The following EDAR variants were observed in gnomAD, a reference collection of about 807,000 sequenced individuals.
EDAR encodes ectodysplasin A receptor.
Under a neutral mutation model 51.3 loss-of-function variants are expected in EDAR, and 38 were observed. That is an observed-to-expected ratio of 0.74 (90% CI 0.57 to 0.97). EDAR has a LOEUF of 0.97. Ranked by LOEUF, EDAR falls within the 50% of genes least tolerant of loss-of-function variation. EDAR has a pLI of 0.00. For missense variants in EDAR, 528 were observed against 595.0 expected, an observed-to-expected ratio of 0.89 and a Z score of 1.17; for synonymous variants, 227 against 242.1, an observed-to-expected ratio of 0.94 and a Z score of 0.58.
At chr2:108,905,712 A>G (rs1279613347) in intron 11 of EDAR, among the ~76,000 whole-genome samples, 1 of 152,186 alleles carries the variant, frequency 6.6e-6, no homozygotes, top group Non-Finnish European at 1.5e-5. Context: ...AAGGTAATTT[A>G]GAAAGTGGAT....
At chr2:108,906,165 T>G (rs1696799779) in intron 11 of EDAR, 143 bp downstream of exon 11, 1 of 793,538 alleles carries the variant, frequency 1.3e-6, no homozygotes, top group Non-Finnish European at 2.2e-6. Flanking sequence ...TGAAATAGTT[T>G]CCAGCGGCCA....
chr2:108,960,512 G>A (rs1389380515), intron 1 of EDAR, among the ~76,000 whole-genome samples: 1 of 152,158 alleles, frequency 6.6e-6, no homozygotes. Context: ...GCCAGGGCAG[G>A]GTGCACACCT....
chr2:108,896,834 G>T lies in EDAR; in HGVS notation c.*73C>A. 6.9e-7 allele frequency: 1 copy of T among 1,456,966 alleles called. No individual in the cohort carries two copies. Among genetic ancestry groups the T allele is most frequent in the Non-Finnish European group, 9.4e-7 (1 of 1,064,554 alleles). 90.3% of individuals were successfully genotyped at this position (1,456,966 alleles called of 1,614,324 possible). A position where few individuals can be genotyped will look rare whatever the true frequency, so the allele number is the denominator to read the frequency against. On this transcript the variant is annotated 3_prime_UTR_variant, in exon 12 of 12. Coordinates refer to ENST00000258443, the MANE Select transcript of EDAR (RefSeq NM_022336.4). ...AGCCTTGATTCTTGGCAGTCTTTTGGCACCACTCACAGCTCCAGAGCCCTC... is the reference window on the plus strand; with the variant it reads ...AGCCTTGATTCTTGGCAGTCTTTTGTCACCACTCACAGCTCCAGAGCCCTC...
chr2:108,909,623 G>T (rs1252779249), intron 9 of EDAR, among the ~76,000 whole-genome samples: 1 of 152,220 alleles, frequency 6.6e-6, no homozygotes, highest in African/African-American at 2.4e-5. Context: ...CTGGCAGGGG[G>T]GTCCGAGCAC....
intron 1 of EDAR, among the ~76,000 whole-genome samples, chr2:108,979,635 C>T (rs1287935815): frequency 6.6e-6 from 1 of 152,084 alleles, no homozygotes; most frequent in African/African-American, 2.4e-5. Flanking sequence ...AGAAGAGAAG[C>T]CCCTCCTGCC....
chr2:108,939,905 T>G (rs1697558668), intron 1 of EDAR, among the ~76,000 whole-genome samples: 1 of 152,146 alleles, frequency 6.6e-6, no homozygotes, highest in Non-Finnish European at 1.5e-5. Context: ...GTTGGCACCT[T>G]AAAGTATTTG....
chr2:108,987,232 G>A (rs772762109), intron 1 of EDAR, among the ~76,000 whole-genome samples: 4 of 152,218 alleles, frequency 2.6e-5, no homozygotes, highest in East Asian at 3.8e-4. Context: ...ACCACAAAAC[G>A]CACTCACTTG....
chr2:108,922,519 C>T (rs1697162846), intron 5 of EDAR, among the ~76,000 whole-genome samples: 1 of 152,214 alleles, frequency 6.6e-6, no homozygotes, highest in Admixed American at 6.5e-5. Context: ...GATGCTGCGC[C>T]CCATTCCTGC....
intron 1 of EDAR, among the ~76,000 whole-genome samples, chr2:108,951,243 C>T (rs184187317): frequency 1.3e-3 from 203 of 152,312 alleles, no homozygotes; most frequent in African/African-American, 4.5e-3. Context: ...GTCTCAATAT[C>T]GGTCTTCTGC....
chr2:108,908,104 G>A, intron 9 of EDAR, 85 bp from the exon 10 acceptor site: 2 of 1,442,918 alleles, frequency 1.4e-6, no homozygotes, highest in Non-Finnish European at 1.9e-6. Context: ...CTTGTCCATT[G>A]CCCAGCTGTG....
At chr2:108,973,402 C>T (rs1028930680) in intron 1 of EDAR, among the ~76,000 whole-genome samples, 3 of 152,180 alleles carry the variant, frequency 2.0e-5, no homozygotes, top group Non-Finnish European at 2.9e-5. Flanking sequence ...CCGCCATCAG[C>T]CCCTGAGACC....
At chr2:108,953,567 G>A (rs1697864652) in intron 1 of EDAR, among the ~76,000 whole-genome samples, 1 of 152,074 alleles carries the variant, frequency 6.6e-6, no homozygotes, top group African/African-American at 2.4e-5. Context: ...GATGACAGTT[G>A]CAGTTACCTC....
intron 11 of EDAR, among the ~76,000 whole-genome samples, chr2:108,903,151 A>G (rs1283893467): frequency 6.6e-6 from 1 of 152,252 alleles, no homozygotes; most frequent in Non-Finnish European, 1.5e-5. Context: ...CAGTGGCTCA[A>G]AAAATAAATG....
intron 1 of EDAR, among the ~76,000 whole-genome samples, chr2:108,954,778 C>A (rs979479591): frequency 2.0e-5 from 3 of 151,992 alleles, no homozygotes; most frequent in East Asian, 1.9e-4. Flanking sequence ...CAGGTTCAAG[C>A]GATTCTCCTG....
At chr2:108,977,394 A>G (rs948867175) in intron 1 of EDAR, among the ~76,000 whole-genome samples, 1 of 152,142 alleles carries the variant, frequency 6.6e-6, no homozygotes, top group East Asian at 1.9e-4. Flanking sequence ...TCAGCCTCCC[A>G]AGTAGCTGGG....
intron 1 of EDAR, among the ~76,000 whole-genome samples, chr2:108,944,058 T>C (rs550256167): frequency 6.6e-5 from 10 of 152,340 alleles, no homozygotes; most frequent in Non-Finnish European, 1.3e-4. Context: ...GCAATTGCTA[T>C]CCAGCCACGT....
chr2:108,974,157 G>A (rs557705974), intron 1 of EDAR, among the ~76,000 whole-genome samples: 143 of 149,026 alleles, frequency 9.6e-4, no homozygotes, highest in Admixed American at 2.5e-3. Flanking sequence ...GTGAAACCCC[G>A]TCTCTACTAA....
chr2:108,948,160 C>G (rs1205300963), intron 1 of EDAR, among the ~76,000 whole-genome samples: 1 of 152,226 alleles, frequency 6.6e-6, no homozygotes, highest in Admixed American at 6.5e-5. Context: ...TGCCACCAGT[C>G]TCTTTGCTAA....
At chr2:108,960,766 G>T (rs764653233) in intron 1 of EDAR, among the ~76,000 whole-genome samples, 16 of 152,120 alleles carry the variant, frequency 1.1e-4, no homozygotes, top group Non-Finnish European at 2.4e-4. Flanking sequence ...TAGATATATA[G>T]ATATATCATA....
Sources: gnomAD v4.1 joint callset for allele counts (sites outside exome capture counted in the v4.1 genomes callset) on GRCh38, gnomAD v4.1.1 for gene constraint, MANE v1.5 for transcripts, NCBI Gene and HGNC (gene_info 2026-07-23, HGNC 2026-07-21) for gene names.